HSPG2: variants seen among roughly 807,000 people sequenced by gnomAD.
HSPG2 encodes the protein basement membrane-specific heparan sulfate proteoglycan core protein.
In HSPG2, 278 loss-of-function variants were observed where a neutral mutation model predicts 526.6. That is an observed-to-expected ratio of 0.53 (90% CI 0.48 to 0.58). The LOEUF (loss-of-function observed/expected upper bound fraction) is 0.58, where lower values mean the gene tolerates loss of function less well. Ranked by LOEUF, HSPG2 falls within the 20% of genes least tolerant of loss-of-function variation. The probability of loss-of-function intolerance (pLI) is 0.00; values close to 1 mark genes in which losing one functional copy is unlikely to be tolerated. For missense variants in HSPG2, 5,354 were observed against 6,099.5 expected (o/e 0.88, Z 4.07); for synonymous variants, 2,465 against 2,555.4 (o/e 0.96, Z 1.07).
chr1:21,934,352 G>T (rs1041949955), intron 1 of HSPG2, among the ~76,000 whole-genome samples: 1 of 152,164 alleles, frequency 6.6e-6, no homozygotes, highest in African/African-American at 2.4e-5. Context: ...TCTCATTTTT[G>T]ACTTGCAACA....
chr1:21,865,692 C>G lies in HSPG2; in HGVS notation c.4314+25G>C, dbSNP rs777326200. 29 of 1,587,102 alleles carry G rather than the reference C, an allele frequency of 1.8e-5. No homozygotes were observed. The highest frequency in any genetic ancestry group is 2.5e-5 in the Non-Finnish European group (29 of 1,155,940). On this transcript the variant is annotated intron_variant, in intron 34 of 96. Transcript: ENST00000374695. The surrounding 1 kb of genome is among the most constrained non-coding windows in gnomAD (Gnocchi z 5.4). ...GGCTTCCATCCTGCCCTTCTGCCCACCCAGCATGGTGTCCAAATGCTCACC... is the reference window on the plus strand; with the variant it reads ...GGCTTCCATCCTGCCCTTCTGCCCAGCCAGCATGGTGTCCAAATGCTCACC...
In HSPG2 at chr1:21,843,460, C is replaced by T. The variant is rs551765972; in HGVS notation, c.8617-22G>A. 1.1e-4 allele frequency: 171 copies of T among 1,601,872 alleles called. 2 individuals are homozygous for T. In the South Asian group the frequency reaches 1.3e-3, roughly 12 times the overall value. ...GGACCTGGCCAAGGTGGGGTGAGAG[C>T]GGGGAGGGTGAGCTGGGAGCCTTCA... is the stretch of plus-strand genomic sequence containing the variant. On this transcript the variant is annotated intron_variant, in intron 65 of 96. Coordinates refer to ENST00000374695, the MANE Select transcript of HSPG2 (RefSeq NM_005529.7).
rs763164577 is a variant in HSPG2, at chr1:21,861,885, T to G, written c.4869-42A>C. 1.9e-6 allele frequency: 3 copies of G among 1,613,436 alleles called. No individual in the cohort carries two copies. In the South Asian group the frequency reaches 3.3e-5, roughly 18 times the overall value. On this transcript the variant is annotated intron_variant, in intron 38 of 96. Transcript: ENST00000374695. ...AAAGGTCAGGTCATGGGAAGCCCAATCTCCATCTTGCTCCCTTCACTTCTG... is the reference window on the plus strand; with the variant it reads ...AAAGGTCAGGTCATGGGAAGCCCAAGCTCCATCTTGCTCCCTTCACTTCTG...
chr1:21,908,688 A>T, intron 1 of HSPG2: 1 of 478,110 alleles, frequency 2.1e-6, no homozygotes, highest in Admixed American at 3.8e-5. Context: ...CTGCTTAATG[A>T]GTTTGAAAGC....
chr1:21,846,955 G>A (rs1052281399), intron 62 of HSPG2, among the ~76,000 whole-genome samples: 2 of 151,784 alleles, frequency 1.3e-5, no homozygotes, highest in Non-Finnish European at 2.9e-5. Context: ...AGTTGAGATC[G>A]CGCCACTGCA....
At chr1:21,876,426 T>C in intron 22 of HSPG2, 21 bp from the exon 23 acceptor site, 1 of 1,610,742 alleles carries the variant, frequency 6.2e-7, no homozygotes. Context: ...GAGAAAGGGC[T>C]GGGATGGGGG....
rs1257538431 is a variant in HSPG2, at chr1:21,874,936, C to G, written c.3369G>C (p.Val1123=). The G allele has an allele frequency of 1.2e-6, 2 of 1,612,958 alleles. No homozygotes were observed. Among genetic ancestry groups the G allele is most frequent in the Admixed American group, 3.3e-5 (2 of 59,900 alleles). ...ACCCGGGTGGGCAGGAGCACTGTTC[C>G]ACTTCCAGCGCGGGGTCCTGGCCGG... The part of the protein sequence containing the change: ...EETGQDPALE[V]EQCSCPPGYR... The change falls in exon 26 of 97, where the codon GTG becomes GTC. Residue 1123 remains valine, a synonymous_variant. Coordinates refer to ENST00000374695, the MANE Select transcript of HSPG2 (RefSeq NM_005529.7).
rs1030316238 is a variant in HSPG2 at position 21,839,235 on chromosome 1, C to T, written c.9889+136G>A. ...AGGTCCCAGGCCAGGGTGTGGGTGT[C>T]GGGCAGGGCAGGCTCCAGGACCCTG... is the stretch of plus-strand genomic sequence containing the variant. On this transcript the variant is annotated intron_variant, in intron 73 of 96. Transcript: ENST00000374695. This position sits in a 1 kb window ranked among gnomAD's most constrained non-coding sequence, Gnocchi z 4.5. The T allele has an allele frequency of 2.1e-5, 30 of 1,427,014 alleles. No individual in the cohort carries two copies. The highest frequency in any genetic ancestry group is 2.4e-5 in the Non-Finnish European group (25 of 1,034,328). 88.4% of individuals were successfully genotyped at this position (1,427,014 alleles called of 1,614,324 possible).
chr1:21,920,682 C>T (rs1015690774), intron 1 of HSPG2, among the ~76,000 whole-genome samples: 3 of 152,214 alleles, frequency 2.0e-5, no homozygotes, highest in African/African-American at 4.8e-5. Flanking sequence ...TTAACCATAG[C>T]CCCTGCTCTC....
chr1:21,905,884 A>G (rs1643354296), intron 1 of HSPG2, among the ~76,000 whole-genome samples: 1 of 151,546 alleles, frequency 6.6e-6, no homozygotes, highest in South Asian at 2.1e-4. Flanking sequence ...GGTGGTGCAC[A>G]CCTGTAGTCC....
chr1:21,888,142 C>G, intron 6 of HSPG2, 76 bp from the exon 7 acceptor site: 1 of 1,595,724 alleles, frequency 6.3e-7, no homozygotes, highest in South Asian at 1.1e-5. Context: ...TGCTGTGTGG[C>G]TGGAGTGGGC....
intron 17 of HSPG2, 152 bp from the exon 18 acceptor site, chr1:21,879,273 T>C: frequency 3.6e-6 from 3 of 825,308 alleles, no homozygotes; most frequent in Middle Eastern, 3.1e-4. Flanking sequence ...CACTTATAGA[T>C]GATGGGGAGC....
chr1:21,924,961 G>A (rs1446628323), intron 1 of HSPG2, among the ~76,000 whole-genome samples: 1 of 151,944 alleles, frequency 6.6e-6, no homozygotes, highest in Admixed American at 6.6e-5. Context: ...CTCTGCTATT[G>A]TCTGGACTTT....
Position 21,830,964 on chromosome 1 carries a change from G to T in HSPG2, c.11671+18C>A. 6.5e-7 allele frequency: 1 copy of T among 1,535,806 alleles called. No individual in the cohort carries two copies. The highest frequency in any genetic ancestry group is 1.9e-5 in the Admixed American group (1 of 52,074). On this transcript the variant is annotated intron_variant, in intron 85 of 96. Transcript: ENST00000374695. ...GGCAGGCCCTGGGGCGACAGCGACT[G>T]GCGGTCGGGGTGCGTACCTGGATGG...
Position 21,865,779 on chromosome 1 carries a change from T to C in HSPG2, c.4252A>G (p.Thr1418Ala), listed in dbSNP as rs752070914. The part of the protein sequence containing the change: ...VAAYGGKLRY[T>A]LSYTAGPQGS... ...TGTGGGCCTGCTGTGTAGGAGAGGG[T>C]GTATCGCAACTTCCCACCGTAGGCC... is the stretch of plus-strand genomic sequence containing the variant. The change falls in exon 34 of 97, where the codon ACC (threonine) becomes GCC (alanine). Residue 1418 changes from threonine to alanine, a missense_variant. Transcript: ENST00000374695. The surrounding 1 kb of genome is among the most constrained non-coding windows in gnomAD (Gnocchi z 5.4). 8.1e-6 allele frequency: 13 copies of C among 1,613,314 alleles called. No homozygotes were observed. In the South Asian group the frequency reaches 1.3e-4, roughly 16 times the overall value.
rs564682899 is a variant in HSPG2, at chr1:21,876,537, G to A, written c.2801C>T (p.Thr934Ile). The A allele has an allele frequency of 3.1e-6, 5 of 1,614,216 alleles. No homozygotes were observed. In the African/African-American group the frequency reaches 6.7e-5, roughly 22 times the overall value. The change falls in exon 22 of 97, where the codon ACC becomes ATC. Residue 934 changes from threonine (T) to isoleucine (I), a missense_variant. By Grantham distance (89) the Thr-to-Ile change is moderately conservative. Coordinates refer to ENST00000374695, the MANE Select transcript of HSPG2 (RefSeq NM_005529.7). ...CTGGGCACGGCTCCATGAAGAGCTG[G>A]TGCAGTGGCGACTGACACCCATGCA... ...CFCMGVSRHC[T>I]SSSWSRAQLH... is the part of the protein sequence containing the mutation.
chr1:21,826,350 G>T (rs966686950), intron 91 of HSPG2, among the ~76,000 whole-genome samples: 2 of 151,994 alleles, frequency 1.3e-5, no homozygotes, highest in Non-Finnish European at 2.9e-5. Context: ...CCATAGATGA[G>T]CACCACCATG....
chr1:21,919,875 T>C (rs1179346382), intron 1 of HSPG2, among the ~76,000 whole-genome samples: 2 of 152,190 alleles, frequency 1.3e-5, no homozygotes, highest in South Asian at 2.1e-4. Context: ...TTCTTGTGAT[T>C]TGATCTATAA....
At chr1:21,870,410 A>G (rs1265071998) in intron 33 of HSPG2, 1 of 419,672 alleles carries the variant, frequency 2.4e-6, no homozygotes, top group African/African-American at 2.2e-5. Context: ...TGGTAGTCAG[A>G]AAGGCCCACA....
Sources: gnomAD v4.1 joint callset for allele counts (sites outside exome capture counted in the v4.1 genomes callset) on GRCh38, gnomAD v4.1.1 for gene constraint, Gnocchi (gnomAD v3.1) non-coding constraint, MANE v1.5 for transcripts, NCBI Gene and HGNC (gene_info 2026-07-23, HGNC 2026-07-21) for gene names.